The following SLC7A8 variants were observed in gnomAD, a reference collection of about 807,000 sequenced individuals.
SLC7A8 encodes the protein solute carrier family 7 member 8.
SLC7A8 carries 30 observed loss-of-function variants against 51.2 expected under a neutral mutation model. That is an observed-to-expected ratio of 0.59 (90% CI 0.44 to 0.80). SLC7A8 has a LOEUF of 0.80. Among genes scored for constraint, SLC7A8 ranks in the 30% least tolerant of loss-of-function variants. The probability of loss-of-function intolerance (pLI) is 0.00; values close to 1 mark genes in which losing one functional copy is unlikely to be tolerated. For synonymous variants in SLC7A8, 257 were observed against 275.8 expected, an observed-to-expected ratio of 0.93 and a Z score of 0.67; for missense variants, 612 against 674.4, an observed-to-expected ratio of 0.91 and a Z score of 1.03.
chr14:23,174,572 C>G (rs1209815693), intron 1 of SLC7A8, among the ~76,000 whole-genome samples: 2 of 152,210 alleles, frequency 1.3e-5, no homozygotes, highest in Non-Finnish European at 2.9e-5. Flanking sequence ...AATAAAACAG[C>G]TTAAAATAGA....
rs1594812813 is a variant in SLC7A8, at chr14:23,126,895, T to G, written c.*282A>C. The stretch of plus-strand genomic sequence containing the variant: ...GCTGAGGGTGTGGCCCGGAGGGAGG[T>G]CCTGCAGGGCACCTTGGCATCTCCC... On this transcript the variant is annotated 3_prime_UTR_variant, in exon 11 of 11. Coordinates refer to ENST00000316902, the MANE Select transcript of SLC7A8 (RefSeq NM_012244.4). 1 of 467,818 alleles carries G rather than the reference T, an allele frequency of 2.1e-6. No homozygotes were observed. The highest frequency in any genetic ancestry group is 3.9e-6 in the Non-Finnish European group (1 of 257,084). 29.0% of individuals were successfully genotyped at this position (467,818 alleles called of 1,614,324 possible).
chr14:23,141,754 G>A (rs1004339675), intron 4 of SLC7A8, among the ~76,000 whole-genome samples: 1 of 152,136 alleles, frequency 6.6e-6, no homozygotes, highest in Non-Finnish European at 1.5e-5. Context: ...ATGCCTGGCC[G>A]TCTCTCTTTT....
Position 23,131,565 on chromosome 14 carries a change from G to T in SLC7A8, c.1017-8C>A, listed in dbSNP as rs1277739777. On this transcript the variant is annotated splice_polypyrimidine_tract_variant and splice_region_variant and intron_variant, in intron 7 of 10. Transcript: ENST00000316902. ...GCTCCAGCGAAGAACAGCCTGTCAGGGAGAAAAGCAGGTCAGCCTGGGATA... is the reference window on the plus strand; with the variant it reads ...GCTCCAGCGAAGAACAGCCTGTCAGTGAGAAAAGCAGGTCAGCCTGGGATA... The T allele has an allele frequency of 6.3e-7, 1 of 1,592,742 alleles. No homozygotes were observed. Among genetic ancestry groups the T allele is most frequent in the Admixed American group, 1.8e-5 (1 of 56,616 alleles).
chr14:23,136,672 G>A lies in SLC7A8; in HGVS notation c.1016+1249C>T, dbSNP rs149853557. Among the ~76,000 whole-genome samples the A allele has an allele frequency of 6.7e-3, 1,026 of 152,278 alleles. 9 individuals carry two copies. The highest frequency in any genetic ancestry group is 0.023 in the African/African-American group (948 of 41,554). ...GAATCGGAGGTGGAGCACACCATGC[G>A]CCACCGTTTCCTGCATGCACACACG... On this transcript the variant is annotated intron_variant, in intron 7 of 10. Coordinates refer to ENST00000316902, the MANE Select transcript of SLC7A8 (RefSeq NM_012244.4).
intron 1 of SLC7A8, among the ~76,000 whole-genome samples, chr14:23,168,825 C>A (rs994164574): frequency 1.2e-4 from 19 of 152,272 alleles, no homozygotes; most frequent in African/African-American, 4.6e-4. Context: ...TCTGACATTT[C>A]GAGTATGTTC....
At chr14:23,133,046 G>A (rs185163508) in intron 7 of SLC7A8, among the ~76,000 whole-genome samples, 3 of 152,312 alleles carry the variant, frequency 2.0e-5, no homozygotes, top group African/African-American at 7.2e-5. Context: ...AAAGCGTTGG[G>A]ATGACAGGCA....
chr14:23,148,739 G>A (rs2048820578), intron 3 of SLC7A8, among the ~76,000 whole-genome samples: 1 of 152,232 alleles, frequency 6.6e-6, no homozygotes, highest in Non-Finnish European at 1.5e-5. Context: ...AAGAATGTGG[G>A]AGGTCCCTAG....
chr14:23,180,372 C>T (rs1877120711), intron 1 of SLC7A8, among the ~76,000 whole-genome samples: 3 of 152,184 alleles, frequency 2.0e-5, no homozygotes, highest in Admixed American at 2.0e-4. Context: ...AGGGCAGTTC[C>T]TCAGCACATC....
intron 1 of SLC7A8, among the ~76,000 whole-genome samples, chr14:23,167,504 G>C (rs1037224495): frequency 6.6e-6 from 1 of 151,976 alleles, no homozygotes; most frequent in Non-Finnish European, 1.5e-5. Flanking sequence ...GCAGGGGCTG[G>C]TTTTCTCCTG....
At chr14:23,173,851 G>A (rs763925749) in intron 1 of SLC7A8, among the ~76,000 whole-genome samples, 4 of 151,672 alleles carry the variant, frequency 2.6e-5, no homozygotes, top group Admixed American at 1.3e-4. Context: ...GTGTTGCCCA[G>A]GCTGGTCTTG....
At chr14:23,181,021 C>T (rs1379493951) in intron 1 of SLC7A8, among the ~76,000 whole-genome samples, 4 of 150,578 alleles carry the variant, frequency 2.7e-5, no homozygotes, top group African/African-American at 7.3e-5. Context: ...AGCGAGACTC[C>T]GTCTGAACAA....
At chr14:23,159,257 A>G (rs4982736) in intron 3 of SLC7A8, among the ~76,000 whole-genome samples, 100,058 of 152,170 alleles carry the variant, frequency 0.66, 38,146 homozygotes, top group Non-Finnish European at 0.85. Flanking sequence ...CTGCTTACAG[A>G]ATAATTTTCA....
intron 3 of SLC7A8, among the ~76,000 whole-genome samples, chr14:23,149,147 C>T (rs1271172912): frequency 6.6e-5 from 10 of 152,300 alleles, no homozygotes; most frequent in East Asian, 1.9e-4. Flanking sequence ...ATAGCCGCTT[C>T]GCACTTCTTC....
At chr14:23,174,831 T>A (rs2048991554) in intron 1 of SLC7A8, among the ~76,000 whole-genome samples, 2 of 152,206 alleles carry the variant, frequency 1.3e-5, no homozygotes, top group African/African-American at 4.8e-5. Context: ...TCCTCCATGC[T>A]CTGTATGCTC....
intron 7 of SLC7A8, among the ~76,000 whole-genome samples, chr14:23,132,272 G>A (rs958068308): frequency 9.9e-5 from 15 of 152,064 alleles, no homozygotes; most frequent in African/African-American, 3.6e-4. Flanking sequence ...AAAGTGCTGG[G>A]ACTACAGGCG....
intron 6 of SLC7A8, 94 bp downstream of exon 6, chr14:23,139,330 C>T (rs1323788771): frequency 6.3e-7 from 1 of 1,584,942 alleles, no homozygotes; most frequent in South Asian, 1.1e-5. Flanking sequence ...TCCACTTCCA[C>T]AAGGCCATGG....
chr14:23,149,742 T>C (rs1384927338), intron 3 of SLC7A8, among the ~76,000 whole-genome samples: 1 of 152,210 alleles, frequency 6.6e-6, no homozygotes, highest in South Asian at 2.1e-4. Flanking sequence ...CAATATACAG[T>C]CATGTGCTAC....
Position 23,131,195 on chromosome 14 carries a change from T to C in SLC7A8, c.1113+266A>G, listed in dbSNP as rs188875900. On this transcript the variant is annotated intron_variant, in intron 8 of 10. Coordinates refer to ENST00000316902, the MANE Select transcript of SLC7A8 (RefSeq NM_012244.4). Reference sequence around the variant, plus strand: ...GGCTGTAGAATCCTGAGACAGTCAGTTCAGTCTGACCCAAAAGGATGGGAG... The same window carrying C: ...GGCTGTAGAATCCTGAGACAGTCAGCTCAGTCTGACCCAAAAGGATGGGAG... 3.3e-5 allele frequency among the ~76,000 whole-genome samples: 5 copies of C among 152,316 alleles called. No homozygotes were observed. In the East Asian group the frequency reaches 9.6e-4, roughly 29 times the overall value.
At chr14:23,140,444 G>C in intron 5 of SLC7A8, 27 bp downstream of exon 5, 2 of 1,580,084 alleles carry the variant, frequency 1.3e-6, no homozygotes, top group Non-Finnish European at 1.7e-6. Context: ...TCAAGGGAGA[G>C]GGAATAGCCA....
Sources: allele counts gnomAD v4.1 joint callset (sites outside exome capture counted in the v4.1 genomes callset), GRCh38; gene constraint gnomAD v4.1.1; transcripts MANE v1.5; gene names NCBI Gene and HGNC (gene_info 2026-07-23, HGNC 2026-07-21).